The following DLG2 variants were observed in gnomAD, a reference collection of about 807,000 sequenced individuals.
DLG2 encodes disks large homolog 2.
A neutral mutation model predicts 132.5 loss-of-function variants in DLG2; 45 were observed. The observed-to-expected ratio is 0.34, with a 90% CI of 0.27 to 0.44. The LOEUF (loss-of-function observed/expected upper bound fraction) is 0.44, where lower values mean the gene tolerates loss of function less well. DLG2 is among the 20% of genes least tolerant of loss of function. The pLI is 1.00. For missense variants in DLG2, 1,045 were observed against 1,196.9 expected (o/e 0.87, Z 1.87); for synonymous variants, 424 against 419.6 (o/e 1.01, Z -0.13).
intron 3 of DLG2, among the ~76,000 whole-genome samples, chr11:85,583,128 GTGTATATATATATATATATATATATA>G (rs1468676746): frequency 1.1e-4 from 3 of 27,420 alleles, no homozygotes; most frequent in African/African-American, 3.3e-4. Context: ...GTGTGTGTGT[GTGTATATATATATATATATATATATA>G]TATATATATA....
At chr11:84,465,898 A>G (rs147399409) in intron 7 of DLG2, among the ~76,000 whole-genome samples, 45 of 151,328 alleles carry the variant, frequency 3.0e-4, no homozygotes, top group African/African-American at 9.9e-4. Context: ...GTTTTAGCAA[A>G]CCATTTATCT....
At chr11:84,050,471 C>T (rs1357782197) in intron 11 of DLG2, among the ~76,000 whole-genome samples, 3 of 151,830 alleles carry the variant, frequency 2.0e-5, no homozygotes, top group Non-Finnish European at 1.5e-5. Flanking sequence ...TGTAGGTTGC[C>T]TGTTCACTCT....
chr11:84,659,267 T>G lies in DLG2; in HGVS notation c.358-124536A>C, dbSNP rs145003787. Among the ~76,000 whole-genome samples the G allele has an allele frequency of 4.8e-3, 727 of 152,246 alleles. 6 individuals carry two copies. Among genetic ancestry groups the G allele is most frequent in the African/African-American group, 0.017 (710 of 41,548 alleles). On this transcript the variant is annotated intron_variant, in intron 6 of 27. Coordinates refer to ENST00000376104, the MANE Select transcript of DLG2 (RefSeq NM_001142699.3). ...ATTTTTTTTCAACACTTTTTAAAAT[T>G]TGAAGTCCTGTCTGTCCCTGGACCC...
rs559613596 is a variant in DLG2 at position 84,451,427 on chromosome 11, AT to A, written c.519+83142del. Reference sequence around the variant, plus strand: ...TCAATTATTTTATTTTTTCTAATTCATTGTTTGCCCTTGGGAGCTTATGCTG... The same window carrying A: ...TCAATTATTTTATTTTTTCTAATTCATGTTTGCCCTTGGGAGCTTATGCTG... On this transcript the variant is annotated intron_variant, in intron 7 of 27. Coordinates refer to ENST00000376104, the MANE Select transcript of DLG2 (RefSeq NM_001142699.3). 3.0e-3 allele frequency among the ~76,000 whole-genome samples: 463 copies of A among 151,824 alleles called. 9 individuals carry two copies. Among genetic ancestry groups the A allele is most frequent in the African/African-American group, 9.9e-3 (411 of 41,500 alleles).
chr11:83,931,999 C>A (rs997593607), intron 14 of DLG2, among the ~76,000 whole-genome samples: 1 of 152,134 alleles, frequency 6.6e-6, no homozygotes, highest in Non-Finnish European at 1.5e-5. Context: ...TTATTTTGTA[C>A]ATTCACTGGC....
At chr11:84,754,110 G>T (rs1056832328) in intron 6 of DLG2, among the ~76,000 whole-genome samples, 1 of 152,156 alleles carries the variant, frequency 6.6e-6, no homozygotes, top group Non-Finnish European at 1.5e-5. Context: ...CTCCTTTGAT[G>T]AGCTTTGCTA....
At chr11:85,371,629 C>T (rs2084982379) in intron 3 of DLG2, among the ~76,000 whole-genome samples, 1 of 152,172 alleles carries the variant, frequency 6.6e-6, no homozygotes, top group East Asian at 1.9e-4. Flanking sequence ...GGAAACTGGC[C>T]TCATACCCTT....
chr11:85,621,546 T>C (rs2081703154), intron 2 of DLG2, among the ~76,000 whole-genome samples: 1 of 152,218 alleles, frequency 6.6e-6, no homozygotes, highest in African/African-American at 2.4e-5. Flanking sequence ...AATATCAACA[T>C]TAACGGGAGT....
At chr11:83,613,563 G>A (rs932613238) in intron 19 of DLG2, among the ~76,000 whole-genome samples, 1 of 152,134 alleles carries the variant, frequency 6.6e-6, no homozygotes, top group Non-Finnish European at 1.5e-5. Context: ...TTAGCAAATT[G>A]TAGCATCAGA....
intron 17 of DLG2, among the ~76,000 whole-genome samples, chr11:83,829,096 G>C (rs2053734817): frequency 6.6e-6 from 1 of 151,960 alleles, no homozygotes; most frequent in African/African-American, 2.4e-5. Context: ...CTTCCCTGGG[G>C]ATTCTACTTC....
intron 15 of DLG2, among the ~76,000 whole-genome samples, chr11:83,924,725 A>G (rs932020308): frequency 6.6e-6 from 1 of 152,126 alleles, no homozygotes; most frequent in African/African-American, 2.4e-5. Flanking sequence ...TAACTCTGGC[A>G]TATGATTGAG....
At chr11:85,242,058 G>C (rs1388582641) in intron 4 of DLG2, among the ~76,000 whole-genome samples, 1 of 151,814 alleles carries the variant, frequency 6.6e-6, no homozygotes, top group Non-Finnish European at 1.5e-5. Context: ...CATTTATATG[G>C]ATATTCAACT....
At chr11:84,259,098 C>T (rs1320826930) in intron 7 of DLG2, among the ~76,000 whole-genome samples, 2 of 151,912 alleles carry the variant, frequency 1.3e-5, no homozygotes, top group Non-Finnish European at 2.9e-5. Flanking sequence ...AGGGTGAAAC[C>T]CTGTCTCTAC....
chr11:83,870,048 C>T (rs762813961), intron 16 of DLG2, among the ~76,000 whole-genome samples: 1 of 152,204 alleles, frequency 6.6e-6, no homozygotes, highest in African/African-American at 2.4e-5. Flanking sequence ...GCTGCAGACA[C>T]ATCCCTTAAA....
At chr11:84,159,301 T>A (rs1316866240) in intron 9 of DLG2, among the ~76,000 whole-genome samples, 4 of 152,072 alleles carry the variant, frequency 2.6e-5, no homozygotes, top group African/African-American at 9.7e-5. Flanking sequence ...CAGATACTGG[T>A]GAGTGCAATT....
intron 15 of DLG2, among the ~76,000 whole-genome samples, chr11:83,896,685 G>C (rs1312510008): frequency 6.6e-6 from 1 of 152,144 alleles, no homozygotes; most frequent in East Asian, 1.9e-4. Context: ...TCTGGGGCTG[G>C]GGTGGGAAAG....
intron 6 of DLG2, among the ~76,000 whole-genome samples, chr11:84,640,798 A>G (rs1394434687): frequency 6.6e-6 from 1 of 151,870 alleles, no homozygotes; most frequent in Non-Finnish European, 1.5e-5. Context: ...AAATTAGCCA[A>G]GCGTGGTGGT....
chr11:85,310,633 G>C (rs919950694), intron 3 of DLG2, among the ~76,000 whole-genome samples: 2 of 152,208 alleles, frequency 1.3e-5, no homozygotes, highest in Non-Finnish European at 2.9e-5. Context: ...CCCAGATGCT[G>C]TCCTCCCTGT....
At chr11:83,693,206 C>A (rs1353342383) in intron 18 of DLG2, 4 of 152,122 alleles carry the variant, frequency 2.6e-5, no homozygotes, top group Non-Finnish European at 4.4e-5. Flanking sequence ...TTGTCACATG[C>A]CTGAAATAAA....
Sources: allele counts gnomAD v4.1 joint callset (sites outside exome capture counted in the v4.1 genomes callset), GRCh38; gene constraint gnomAD v4.1.1; transcripts MANE v1.5; gene names NCBI Gene and HGNC (gene_info 2026-07-23, HGNC 2026-07-21).